The following CNTD1 variants were observed in gnomAD, a reference collection of about 807,000 sequenced individuals.
The protein encoded by CNTD1 is cyclin N-terminal domain-containing protein 1.
Under a neutral mutation model 36.3 loss-of-function variants are expected in CNTD1, and 17 were observed. The observed-to-expected ratio is 0.47, with a 90% CI of 0.32 to 0.70. The LOEUF is 0.70. CNTD1 is among the 30% of genes least tolerant of loss of function. CNTD1 has a pLI of 0.03. For synonymous variants in CNTD1, 128 were observed against 153.3 expected (o/e 0.83, Z 1.22); for missense variants, 338 against 386.1 (o/e 0.88, Z 1.04).
chr17:42,810,889 G>A lies in CNTD1; in HGVS notation c.*1354G>A. Reference sequence around the variant, plus strand: ...TTTTGATGGAATAGGAGCCGCCACTGCCTCCTGTGTCTTCAATCTTGCCTT... The same window carrying A: ...TTTTGATGGAATAGGAGCCGCCACTACCTCCTGTGTCTTCAATCTTGCCTT... On this transcript the variant is annotated 3_prime_UTR_variant, in exon 7 of 7. Coordinates refer to ENST00000588408, the MANE Select transcript of CNTD1 (RefSeq NM_173478.3). The A allele has an allele frequency of 2.5e-6, 4 of 1,612,402 alleles. No homozygotes were observed. Among genetic ancestry groups the A allele is most frequent in the Non-Finnish European group, 3.4e-6 (4 of 1,179,282 alleles).
Position 42,810,060 on chromosome 17 carries a change from A to G in CNTD1, c.*525A>G, listed in dbSNP as rs982798192. ...TTCAACAGAATTTCCACATACCTGCATTCATTAGAACTTGATTCTCCCAGA... is the reference window on the plus strand; with the variant it reads ...TTCAACAGAATTTCCACATACCTGCGTTCATTAGAACTTGATTCTCCCAGA... On this transcript the variant is annotated 3_prime_UTR_variant, in exon 7 of 7. Coordinates refer to ENST00000588408, the MANE Select transcript of CNTD1 (RefSeq NM_173478.3). 1.2e-4 allele frequency: 19 copies of G among 152,232 alleles called. No individual in the cohort carries two copies. The highest frequency in any genetic ancestry group is 1.2e-3 in the Admixed American group (19 of 15,280). The allele number at this position is 152,232 out of a possible 1,614,324, so 9.4% of individuals were successfully genotyped here. A position where few individuals can be genotyped will look rare whatever the true frequency, so the allele number is the denominator to read the frequency against.
intron 6 of CNTD1, 83 bp downstream of exon 6, chr17:42,807,947 G>C: frequency 1.6e-5 from 17 of 1,092,946 alleles, no homozygotes; most frequent in Non-Finnish European, 2.4e-5. Context: ...GAAAACAGAG[G>C]ACAACCTACA....
chr17:42,805,269 T>C (rs2054859895), intron 3 of CNTD1: 1 of 156,362 alleles, frequency 6.4e-6, no homozygotes, highest in African/African-American at 2.4e-5. Flanking sequence ...GTACAAATAT[T>C]GTCTGTGCTC....
intron 6 of CNTD1, among the ~76,000 whole-genome samples, chr17:42,808,100 C>T (rs987916629): frequency 2.0e-5 from 3 of 152,106 alleles, no homozygotes; most frequent in East Asian, 1.9e-4. Context: ...CCCTTTATAA[C>T]GATAACCTGC....
rs1037625987 is a variant in CNTD1, at chr17:42,799,599, A to G, written c.169+363A>G. Among the ~76,000 whole-genome samples the G allele has an allele frequency of 2.0e-5, 3 of 151,676 alleles. No individual in the cohort carries two copies. The East Asian group carries it at 5.8e-4, about 29-fold the overall frequency. On this transcript the variant is annotated intron_variant, in intron 1 of 6. Coordinates refer to ENST00000588408, the MANE Select transcript of CNTD1 (RefSeq NM_173478.3). ...AAATCCTGTCTCTACTAAAAGTACA[A>G]AAATTAGCCAGGACTGGTGGCGCGC...
intron 1 of CNTD1, among the ~76,000 whole-genome samples, chr17:42,801,547 AATATATG>A (rs1567660309): frequency 0.047 from 2,598 of 55,196 alleles, 63 homozygotes; most frequent in East Asian, 0.099. Context: ...ATATATATAT[AATATATG>A]TGTGTGTGTG....
At position 42,810,553 on chromosome 17, in the gene CNTD1, C is replaced by T; in HGVS notation, c.*1018C>T. 2.4e-6 allele frequency: 1 copy of T among 421,312 alleles called. No individual in the cohort carries two copies. Among genetic ancestry groups the T allele is most frequent in the Non-Finnish European group, 4.0e-6 (1 of 248,190 alleles). The allele number at this position is 421,312 out of a possible 1,614,324, so 26.1% of individuals were successfully genotyped here. On this transcript the variant is annotated 3_prime_UTR_variant, in exon 7 of 7. Transcript: ENST00000588408. The stretch of plus-strand genomic sequence containing the variant: ...CATGGGGTTAAGAATCAAAACTGAC[C>T]AGGGCTGGCAACTATAGATGGCATG...
intron 1 of CNTD1, among the ~76,000 whole-genome samples, chr17:42,801,081 A>C (rs1156816366): frequency 3.3e-5 from 5 of 151,104 alleles, no homozygotes; most frequent in Non-Finnish European, 5.9e-5. Context: ...GCTACTCGGG[A>C]GGCCGAGGCA....
Position 42,805,893 on chromosome 17 carries a change from CTG to C in CNTD1, c.580+13_580+14del, listed in dbSNP as rs1396632697. 1.2e-6 allele frequency: 2 copies of C among 1,606,724 alleles called. No individual in the cohort carries two copies. The highest frequency in any genetic ancestry group is 1.7e-6 in the Non-Finnish European group (2 of 1,176,544). On this transcript the variant is annotated intron_variant, in intron 4 of 6. Transcript: ENST00000588408. ...GCTCCTAGAGGTTTTAGGTATCTTACTGTGTTAGGGAATATGGGTTGGAGACT... is the reference window on the plus strand; with the variant it reads ...GCTCCTAGAGGTTTTAGGTATCTTACTGTTAGGGAATATGGGTTGGAGACT...
intron 3 of CNTD1, 171 bp from the exon 4 acceptor site, chr17:42,805,551 G>A (rs548678500): frequency 6.8e-4 from 367 of 542,304 alleles, no homozygotes; most frequent in African/African-American, 6.2e-3. Context: ...AGCATGGTGG[G>A]TTTGGGAACT....
At chr17:42,808,100 C>G (rs987916629) in intron 6 of CNTD1, among the ~76,000 whole-genome samples, 1 of 152,106 alleles carries the variant, frequency 6.6e-6, no homozygotes, top group Non-Finnish European at 1.5e-5. Flanking sequence ...CCCTTTATAA[C>G]GATAACCTGC....
At chr17:42,804,508 T>C in intron 3 of CNTD1, 112 bp downstream of exon 3, 1 of 1,056,754 alleles carries the variant, frequency 9.5e-7, no homozygotes, top group Non-Finnish European at 1.4e-6. Context: ...AATAAATAAA[T>C]TACAAAGTAA....
At position 42,809,837 on chromosome 17, in the gene CNTD1, A is replaced by G. The variant is rs1166475346; in HGVS notation, c.*302A>G. ...ATTAAGAGGAACATCAGGCATTGCA[A>G]TCAGTATTAATCAGGGGCTCAAATA... On this transcript the variant is annotated 3_prime_UTR_variant, in exon 7 of 7. Coordinates refer to ENST00000588408, the MANE Select transcript of CNTD1 (RefSeq NM_173478.3). 1 of 234,104 alleles carries G rather than the reference A, an allele frequency of 4.3e-6. No homozygotes were observed. Among genetic ancestry groups the G allele is most frequent in the Non-Finnish European group, 8.4e-6 (1 of 118,556 alleles). 14.5% of individuals were successfully genotyped at this position (234,104 alleles called of 1,614,324 possible).
At chr17:42,801,506 AAAAAAT>A (rs1339663996) in intron 1 of CNTD1, among the ~76,000 whole-genome samples, 39 of 52,700 alleles carry the variant, frequency 7.4e-4, no homozygotes, top group East Asian at 1.9e-3. Flanking sequence ...AAAAAAAAAA[AAAAAAT>A]ATATATATAT....
chr17:42,807,846 C>A lies in CNTD1; in HGVS notation c.804C>A (p.Asn268Lys), dbSNP rs2054906131. 2 of 1,613,634 alleles carry A rather than the reference C, an allele frequency of 1.2e-6. No individual in the cohort carries two copies. Among genetic ancestry groups the A allele is most frequent in the Non-Finnish European group, 1.7e-6 (2 of 1,179,548 alleles). Reference sequence around the variant, plus strand: ...TTGCAGCAAGTGCTTTCATCCAAAACCATGAGTGTTGGAGCCAGGTATGCA... The same window carrying A: ...TTGCAGCAAGTGCTTTCATCCAAAAACATGAGTGTTGGAGCCAGGTATGCA... ...GIIAASAFIQ[N>K]HECWSQVVGH... Residue 268 changes from asparagine to lysine, a missense_variant, in exon 6 of 7, where the codon AAC becomes AAA. Transcript: ENST00000588408.
intron 6 of CNTD1, among the ~76,000 whole-genome samples, chr17:42,808,096 ATAACGATAACCTGCTAT>A (rs964915786): frequency 6.6e-6 from 1 of 152,174 alleles, no homozygotes; most frequent in Admixed American, 6.5e-5. Context: ...ATTTCCCTTT[ATAACGATAACCTGCTAT>A]TATGTTAAAC....
At chr17:42,809,062 C>T (rs1249186226) in intron 6 of CNTD1, among the ~76,000 whole-genome samples, 2 of 152,154 alleles carry the variant, frequency 1.3e-5, no homozygotes, top group African/African-American at 4.8e-5. Context: ...TGTTTCAAAA[C>T]AAAACAAAGT....
rs1567658610 is a variant in CNTD1 at position 42,799,170 on chromosome 17, C to G, written c.103C>G (p.Gln35Glu). 1 of 1,614,070 alleles carries G rather than the reference C, an allele frequency of 6.2e-7. No homozygotes were observed. The highest frequency in any genetic ancestry group is 8.5e-7 in the Non-Finnish European group (1 of 1,180,006). The change falls in exon 1 of 7, where the codon CAG (glutamine) becomes GAG (glutamate). Residue 35 changes from glutamine (Q) to glutamate (E), a missense_variant. Physicochemically the swap from Gln to Glu is conservative, Grantham distance 29. Transcript: ENST00000588408. ...AGACGCCCTGCTTCACTTGGCCCAG[C>G]AGAATGAGCAAGCAGTGAGGGAGGC... ...IEDALLHLAQQNEQAVREASG... is the reference protein window; with the variant it reads ...IEDALLHLAQENEQAVREASG...
chr17:42,799,550 G>C lies in CNTD1; in HGVS notation c.169+314G>C, dbSNP rs561864736. Among the ~76,000 whole-genome samples, 119 of 151,690 alleles carry C rather than the reference G, an allele frequency of 7.8e-4. 1 individual carries two copies. Among genetic ancestry groups the C allele is most frequent in the Admixed American group, 2.7e-3 (41 of 15,210 alleles). ...GAGGTTCACCTGAGGTCAGGAGTTC[G>C]AGACCAGCCTGACCAACATGGTGAA... On this transcript the variant is annotated intron_variant, in intron 1 of 6. Transcript: ENST00000588408.
Sources: gnomAD v4.1 joint callset for allele counts (sites outside exome capture counted in the v4.1 genomes callset) on GRCh38, gnomAD v4.1.1 for gene constraint, MANE v1.5 for transcripts, NCBI Gene and HGNC (gene_info 2026-07-23, HGNC 2026-07-21) for gene names.